Variants in LRRC37A2 observed in about 807,000 individuals in gnomAD.
LRRC37A2 encodes leucine-rich repeat-containing protein 37A2.
In LRRC37A2, 9 loss-of-function variants were observed where a neutral mutation model predicts 68.8. The observed-to-expected ratio is 0.13, with a 90% CI of 0.08 to 0.23. The LOEUF is 0.23. Ranked by LOEUF, LRRC37A2 falls within the 10% of genes least tolerant of loss-of-function variation. The pLI, the probability that LRRC37A2 is intolerant of heterozygous loss-of-function variation, is 1.00. For synonymous variants in LRRC37A2, 63 were observed against 367.6 expected (o/e 0.17, Z 9.48); for missense variants, 168 against 950.4 (o/e 0.18, Z 10.82).
the LRRC37A2 span, among the ~76,000 whole-genome samples, chr17:46,912,062 G>A: frequency 2.0e-5 from 3 of 152,010 alleles, no homozygotes; most frequent in African/African-American, 4.8e-5. Flanking sequence ...CCACACCCAC[G>A]ATTGACCAGA....
the LRRC37A2 span, among the ~76,000 whole-genome samples, chr17:47,029,768 T>C: frequency 6.6e-6 from 1 of 151,924 alleles, no homozygotes; most frequent in African/African-American, 2.4e-5. Context: ...CAACTGGGAG[T>C]CCCTCATAAA....
the LRRC37A2 span, among the ~76,000 whole-genome samples, chr17:46,493,877 G>C: frequency 1.3e-5 from 2 of 150,270 alleles, no homozygotes; most frequent in African/African-American, 5.0e-5. Flanking sequence ...TTTCACCCAC[G>C]CTGGAGTGCA....
chr17:46,790,738 A>T, the LRRC37A2 span, among the ~76,000 whole-genome samples: 8 of 152,010 alleles, frequency 5.3e-5, no homozygotes, highest in Non-Finnish European at 1.0e-4. Flanking sequence ...CAGAAGCAAA[A>T]CTTCCCTGAT....
chr17:47,021,225 T>C, the LRRC37A2 span, among the ~76,000 whole-genome samples: 1 of 151,670 alleles, frequency 6.6e-6, no homozygotes, highest in Admixed American at 6.6e-5. Flanking sequence ...TTTTGTTTTT[T>C]GCATTATGTG....
At chr17:46,872,860 T>C in the LRRC37A2 span, 4 of 1,448,674 alleles carry the variant, frequency 2.8e-6, no homozygotes, top group East Asian at 9.6e-5. Flanking sequence ...CTTTCCTTTT[T>C]CCTGGCTCCC....
At chr17:46,978,504 C>A in the LRRC37A2 span, 1 of 1,018,556 alleles carries the variant, frequency 9.8e-7, no homozygotes, top group Admixed American at 3.1e-5. Context: ...CGCCGACAGT[C>A]TCGCCGCGTC....
At chr17:46,887,938 A>G in the LRRC37A2 span, among the ~76,000 whole-genome samples, 2 of 152,190 alleles carry the variant, frequency 1.3e-5, no homozygotes, top group African/African-American at 4.8e-5. Flanking sequence ...TCACTATTCA[A>G]TGTGATGAAA....
chr17:46,675,570 G>A, the LRRC37A2 span, among the ~76,000 whole-genome samples: 1 of 122,550 alleles, frequency 8.2e-6, no homozygotes, highest in African/African-American at 3.5e-5. Flanking sequence ...AAACGATTAT[G>A]GAGGCTGACA....
the LRRC37A2 span, among the ~76,000 whole-genome samples, chr17:46,906,041 A>G: frequency 6.6e-6 from 1 of 151,746 alleles, no homozygotes; most frequent in Admixed American, 6.6e-5. Context: ...CTCCTGCGCC[A>G]CCTTTGTGCT....
the LRRC37A2 span, among the ~76,000 whole-genome samples, chr17:46,974,876 A>T: frequency 6.6e-6 from 1 of 152,138 alleles, no homozygotes; most frequent in African/African-American, 2.4e-5. Context: ...ACCTTCTTCG[A>T]GGGAGTGGAA....
chr17:46,724,501 A>G, the LRRC37A2 span, among the ~76,000 whole-genome samples: 1 of 152,196 alleles, frequency 6.6e-6, no homozygotes, highest in Admixed American at 6.5e-5. Flanking sequence ...TCTTTCAGAA[A>G]GGGGTGTATT....
the LRRC37A2 span, among the ~76,000 whole-genome samples, chr17:46,775,660 C>G: frequency 7.0e-6 from 1 of 142,126 alleles, no homozygotes; most frequent in East Asian, 2.0e-4. Context: ...GTCACCCAGG[C>G]TGGAATGCAG....
the LRRC37A2 span, among the ~76,000 whole-genome samples, chr17:46,975,891 TA>T: frequency 1.3e-5 from 1 of 78,758 alleles, no homozygotes; most frequent in Non-Finnish European, 3.2e-5. Context: ...AGAAGAAAGA[TA>T]AAGGAAGGAA....
At chr17:46,960,165 A>T in the LRRC37A2 span, among the ~76,000 whole-genome samples, 1 of 152,246 alleles carries the variant, frequency 6.6e-6, no homozygotes, top group Non-Finnish European at 1.5e-5. Context: ...CTCAACAATA[A>T]GAAAACAAGC....
chr17:46,997,213 G>A, the LRRC37A2 span, among the ~76,000 whole-genome samples: 2 of 152,046 alleles, frequency 1.3e-5, no homozygotes, highest in African/African-American at 2.4e-5. Context: ...TTAGCCAAGT[G>A]TGGTGGCACA....
the LRRC37A2 span, among the ~76,000 whole-genome samples, chr17:46,771,527 G>A: frequency 2.7e-5 from 4 of 149,098 alleles, no homozygotes; most frequent in East Asian, 8.0e-4. Flanking sequence ...GATTAGCCTG[G>A]GAGCGGCGCT....
chr17:46,814,214 T>C, the LRRC37A2 span, among the ~76,000 whole-genome samples: 1 of 152,214 alleles, frequency 6.6e-6, no homozygotes, highest in Non-Finnish European at 1.5e-5. Context: ...GACAAAATGC[T>C]CTGAGAGTCT....
At chr17:46,980,349 T>TTCTC in the LRRC37A2 span, among the ~76,000 whole-genome samples, 92,741 of 151,432 alleles carry the variant, frequency 0.61, 28,644 homozygotes, top group African/African-American at 0.63. Context: ...CTCTCCTTCC[T>TTCTC]TCCTTCTTCT....
At chr17:46,841,593 G>A in the LRRC37A2 span, among the ~76,000 whole-genome samples, 2 of 152,248 alleles carry the variant, frequency 1.3e-5, no homozygotes, top group African/African-American at 4.8e-5. Context: ...ACAGGGCTTC[G>A]GAGAAGGGAG....
Sources: allele counts gnomAD v4.1 joint callset (sites outside exome capture counted in the v4.1 genomes callset), GRCh38; gene constraint gnomAD v4.1.1; transcripts MANE v1.5; gene names NCBI Gene and HGNC (gene_info 2026-07-23, HGNC 2026-07-21).